The following NCAN variants were observed in gnomAD, a reference collection of about 807,000 sequenced individuals.
NCAN encodes the protein neurocan, also known as neurocan core protein.
In NCAN, 47 loss-of-function variants were observed where a neutral mutation model predicts 121.8. The ratio of observed to expected loss-of-function variants is 0.39; its 90% confidence interval spans 0.31 to 0.49. The LOEUF is 0.49. Ranked by LOEUF, NCAN falls within the 20% of genes least tolerant of loss-of-function variation. The pLI is 0.92. For missense variants in NCAN, 1,517 were observed against 1,773.4 expected, an observed-to-expected ratio of 0.86 and a Z score of 2.60; for synonymous variants, 633 against 702.0, an observed-to-expected ratio of 0.90 and a Z score of 1.55.
At chr19:19,245,578 A>C in intron 13 of NCAN, 121 bp downstream of exon 13, 1 of 1,180,220 alleles carries the variant, frequency 8.5e-7, no homozygotes, top group Non-Finnish European at 1.2e-6. Context: ...CCTGGGTTCA[A>C]GCCATCCTCC....
chr19:19,223,931 G>A, intron 3 of NCAN, 90 bp from the exon 4 acceptor site: 2 of 1,326,194 alleles, frequency 1.5e-6, no homozygotes, highest in Non-Finnish European at 1.0e-6. Context: ...TATCAGACAG[G>A]GGTGGGGAGT....
chr19:19,214,049 T>G (rs1222395169), intron 1 of NCAN, among the ~76,000 whole-genome samples: 4 of 151,990 alleles, frequency 2.6e-5, no homozygotes, highest in Non-Finnish European at 5.9e-5. Context: ...ACCCACCACA[T>G]GGCACAACCG....
chr19:19,224,066 C>G lies in NCAN; in HGVS notation c.521C>G (p.Thr174Ser). 2 of 1,593,652 alleles carry G rather than the reference C, an allele frequency of 1.3e-6. No individual in the cohort carries two copies. Among genetic ancestry groups the G allele is most frequent in the Non-Finnish European group, 1.7e-6 (2 of 1,166,042 alleles). ...YRSARDRYAL[T>S]FAEAQEACRL... ...TCAGCCCGGGACCGCTATGCACTGA[C>G]CTTCGCTGAGGCCCAGGAGGCCTGC... The change falls in exon 4 of 15, where the codon ACC becomes AGC. Residue 174 changes from threonine (T) to serine (S), a missense_variant. By Grantham distance (58) the Thr-to-Ser change is moderately conservative. Coordinates refer to ENST00000252575, the MANE Select transcript of NCAN (RefSeq NM_004386.3).
intron 12 of NCAN, 122 bp downstream of exon 12, chr19:19,240,807 G>C: frequency 1.1e-6 from 1 of 948,062 alleles, no homozygotes. Flanking sequence ...GTGGCTCCAA[G>C]ATGCTGGAGT....
At chr19:19,241,230 T>C (rs2060902286) in intron 12 of NCAN, among the ~76,000 whole-genome samples, 1 of 151,082 alleles carries the variant, frequency 6.6e-6, no homozygotes, top group Admixed American at 6.6e-5. Flanking sequence ...CACTTCAGCC[T>C]GGGTGATGAT....
In NCAN at chr19:19,233,885, C is replaced by T. The variant is rs2060871252; in HGVS notation, c.3116C>T (p.Ala1039Val). The T allele has an allele frequency of 2.5e-6, 4 of 1,611,926 alleles. No individual in the cohort carries two copies. Among genetic ancestry groups the T allele is most frequent in the Non-Finnish European group, 3.4e-6 (4 of 1,178,056 alleles). The change falls in exon 9 of 15, where the codon GCC becomes GTC. Residue 1039 changes from alanine (A) to valine (V), a missense_variant. Transcript: ENST00000252575. The stretch of plus-strand genomic sequence containing the variant: ...GGCTGTAGCTGTGATCAGGGCTTCG[C>T]CGGGGAGAACTGTGAGATTGGTGAG... ...MYGCSCDQGF[A>V]GENCEIDIDD...
rs2060779985 is a variant in NCAN at position 19,212,754 on chromosome 19, A to C, written c.-8+690A>C. Among the ~76,000 whole-genome samples the C allele has an allele frequency of 1.3e-5, 2 of 152,252 alleles. No individual in the cohort carries two copies. The highest frequency in any genetic ancestry group is 3.4e-3 in the Middle Eastern group (1 of 294). On this transcript the variant is annotated intron_variant, in intron 1 of 14. Transcript: ENST00000252575. The surrounding 1 kb of genome is among the most constrained non-coding windows in gnomAD (Gnocchi z 4.5). ...GAGGTGTTGTCCCTTATCCCAGGGA[A>C]CACACTGGGTGTCCCAGGTGAATGT...
rs1438711295 is a variant in NCAN at position 19,226,859 on chromosome 19, C to T, written c.1446C>T (p.Arg482=). 6.2e-7 allele frequency: 1 copy of T among 1,613,022 alleles called. No homozygotes were observed. Among genetic ancestry groups the T allele is most frequent in the Non-Finnish European group, 8.5e-7 (1 of 1,179,838 alleles). ...ACCCTATGCCTAGGAGAAGGGGGCG[C>T]TTCAAAGGGTTGAATGGGCGCTACT... ...PTDPMPRRRG[R]FKGLNGRYFQ... is the part of the protein sequence containing the mutation. Residue 482 remains arginine (R), a synonymous_variant, in exon 7 of 15, where the codon CGC becomes CGT. Transcript: ENST00000252575.
chr19:19,231,645 T>C (rs1465819118), intron 8 of NCAN, among the ~76,000 whole-genome samples: 1 of 151,884 alleles, frequency 6.6e-6, no homozygotes, highest in African/African-American at 2.4e-5. Flanking sequence ...AGAGCTTCTG[T>C]CTCAGCCACT....
chr19:19,231,861 C>T (rs1335328319), intron 8 of NCAN, among the ~76,000 whole-genome samples: 1 of 151,884 alleles, frequency 6.6e-6, no homozygotes, highest in South Asian at 2.1e-4. Context: ...TACCTGTGGT[C>T]CCAGCTACTC....
At chr19:19,243,818 G>A (rs34099325) in intron 12 of NCAN, among the ~76,000 whole-genome samples, 1 of 152,112 alleles carries the variant, frequency 6.6e-6, no homozygotes, top group Non-Finnish European at 1.5e-5. Flanking sequence ...GCGAGGTCAG[G>A]AGTTCAAGAC....
At chr19:19,224,701 T>C (rs940073713) in intron 5 of NCAN, among the ~76,000 whole-genome samples, 1 of 147,248 alleles carries the variant, frequency 6.8e-6, no homozygotes, top group African/African-American at 2.5e-5. Flanking sequence ...ATCCCCTTCC[T>C]CCTCTGTGAG....
intron 2 of NCAN, 86 bp downstream of exon 2, chr19:19,217,112 C>T (rs2060798838): frequency 5.2e-6 from 5 of 955,182 alleles, no homozygotes; most frequent in Non-Finnish European, 7.2e-6. Flanking sequence ...CCTTCTCCTG[C>T]TGGTCTCCTG....
chr19:19,240,295 A>C, intron 11 of NCAN, among the ~76,000 whole-genome samples: 1 of 147,112 alleles, frequency 6.8e-6, no homozygotes, highest in Non-Finnish European at 1.5e-5. Flanking sequence ...TTCCCTCTCC[A>C]CCTCAACCTC....
At chr19:19,218,260 G>A (rs2146536622) in intron 2 of NCAN, among the ~76,000 whole-genome samples, 1 of 151,552 alleles carries the variant, frequency 6.6e-6, no homozygotes, top group African/African-American at 2.4e-5. Flanking sequence ...CCTGGGAGAT[G>A]GAGCGAGACT....
intron 8 of NCAN, 35 bp from the exon 9 acceptor site, chr19:19,233,754 C>T (rs1212586527): frequency 1.4e-6 from 2 of 1,383,814 alleles, no homozygotes; most frequent in Admixed American, 3.4e-5. Context: ...GATCTGTGGC[C>T]TGACTCTTCC....
chr19:19,249,043 ATTTGTGTGTG>A, intron 14 of NCAN, 161 bp downstream of exon 14: 1 of 633,838 alleles, frequency 1.6e-6, no homozygotes, highest in Non-Finnish European at 2.7e-6. Context: ...TGTTTCCTTC[ATTTGTGTGTG>A]TGTGTGTGTG....
Position 19,225,053 on chromosome 19 carries a change from C to A in NCAN, c.855C>A (p.Ala285=). 1 of 1,512,620 alleles carries A rather than the reference C, an allele frequency of 6.6e-7. No individual in the cohort carries two copies. Among genetic ancestry groups the A allele is most frequent in the South Asian group, 1.2e-5 (1 of 81,990 alleles). The allele number at this position is 1,512,620 out of a possible 1,614,324, so 93.7% of individuals were successfully genotyped here. A position where few individuals can be genotyped will look rare whatever the true frequency, so the allele number is the denominator to read the frequency against. The change falls in exon 6 of 15, where the codon GCC becomes GCA. Residue 285 remains alanine, a synonymous_variant. Coordinates refer to ENST00000252575, the MANE Select transcript of NCAN (RefSeq NM_004386.3). This position sits in a 1 kb window ranked among gnomAD's most constrained non-coding sequence, Gnocchi z 4.0. ...GARAQCRRQG[A]ALASVGQLHL... is the part of the protein sequence containing the mutation. ...GTGCACAGTGCCGCCGCCAGGGTGC[C>A]GCGCTGGCCTCGGTGGGACAGCTGC...
chr19:19,213,639 C>G (rs2060784382), intron 1 of NCAN, among the ~76,000 whole-genome samples: 1 of 151,948 alleles, frequency 6.6e-6, no homozygotes, highest in African/African-American at 2.4e-5. Context: ...TCCCCAGGGT[C>G]TGTGTCTGGG....
Sources: allele counts gnomAD v4.1 joint callset (sites outside exome capture counted in the v4.1 genomes callset), GRCh38; gene constraint gnomAD v4.1.1; non-coding constraint Gnocchi (gnomAD v3.1); transcripts MANE v1.5; gene names NCBI Gene and HGNC (gene_info 2026-07-23, HGNC 2026-07-21).